Variants in SPAG16 observed in about 807,000 individuals in gnomAD.
SPAG16 encodes sperm-associated antigen 16 protein.
Under a neutral mutation model 80.4 loss-of-function variants are expected in SPAG16, and 86 were observed. That is an observed-to-expected ratio of 1.07 (90% CI 0.90 to 1.28). The LOEUF (loss-of-function observed/expected upper bound fraction) is 1.28, where lower values mean the gene tolerates loss of function less well. Ranked by LOEUF, SPAG16 falls within the 50% of genes most tolerant of loss-of-function variation. The pLI is 0.00. For synonymous variants in SPAG16, 294 were observed against 265.9 expected (o/e 1.11, Z -1.03); for missense variants, 870 against 765.3 (o/e 1.14, Z -1.61).
intron 9 of SPAG16, among the ~76,000 whole-genome samples, chr2:213,377,786 T>TA (rs969854333): frequency 1.9e-4 from 29 of 152,150 alleles, no homozygotes; most frequent in African/African-American, 6.7e-4. Context: ...TATGATAGCT[T>TA]AGAGTTCTTT....
chr2:213,482,643 A>G (rs1363746315), intron 9 of SPAG16, among the ~76,000 whole-genome samples: 6 of 152,114 alleles, frequency 3.9e-5, no homozygotes, highest in Non-Finnish European at 2.9e-5. Context: ...TTCTTAGGTA[A>G]TTATAAACCA....
chr2:214,355,365 C>T (rs1333460214), intron 15 of SPAG16, among the ~76,000 whole-genome samples: 1 of 138,770 alleles, frequency 7.2e-6, no homozygotes, highest in Admixed American at 7.6e-5. Context: ...GGGCGAAGGA[C>T]ATGAACAGAC....
chr2:214,375,514 C>T (rs760929299), intron 15 of SPAG16, among the ~76,000 whole-genome samples: 100 of 152,124 alleles, frequency 6.6e-4, no homozygotes, highest in Non-Finnish European at 1.2e-3. Flanking sequence ...ACGCTAGACA[C>T]CTGTCCATGC....
intron 13 of SPAG16, among the ~76,000 whole-genome samples, chr2:214,034,602 C>A (rs149059113): frequency 8.5e-4 from 130 of 152,352 alleles, no homozygotes; most frequent in African/African-American, 3.1e-3. Context: ...GGCACGCTGG[C>A]TGCAGCGGGG....
chr2:214,277,266 C>A (rs546187276), intron 15 of SPAG16, among the ~76,000 whole-genome samples: 3 of 151,832 alleles, frequency 2.0e-5, no homozygotes, highest in Non-Finnish European at 4.4e-5. Context: ...TTGTTATTAC[C>A]GACCTTCTGA....
Position 214,328,996 on chromosome 2 carries a change from A to T in SPAG16, c.1721-81144A>T, listed in dbSNP as rs539071240. Among the ~76,000 whole-genome samples, 4 of 152,318 alleles carry T rather than the reference A, an allele frequency of 2.6e-5. No homozygotes were observed. The South Asian group carries it at 8.3e-4, about 32-fold the overall frequency. ...ACATAAGAAAACTGAGGCACAGAGA[A>T]GCTAAGTTACTTGATTAGCCGAGGA... On this transcript the variant is annotated intron_variant, in intron 15 of 15. Transcript: ENST00000331683.
chr2:214,121,249 A>G (rs2054206418), intron 14 of SPAG16, among the ~76,000 whole-genome samples: 1 of 151,880 alleles, frequency 6.6e-6, no homozygotes, highest in Admixed American at 6.6e-5. Context: ...GAACAAATAT[A>G]AGCACAAGGC....
chr2:213,942,255 C>A (rs546133363), intron 12 of SPAG16, among the ~76,000 whole-genome samples: 1 of 152,114 alleles, frequency 6.6e-6, no homozygotes, highest in African/African-American at 2.4e-5. Flanking sequence ...ATCAGGCTGA[C>A]CTGTTTCATT....
intron 15 of SPAG16, among the ~76,000 whole-genome samples, chr2:214,193,080 G>T (rs1042170089): frequency 6.6e-6 from 1 of 152,066 alleles, no homozygotes. Context: ...GAGGCAAAGC[G>T]ACCAAGCTTT....
chr2:213,799,107 C>CA (rs1038962588), intron 10 of SPAG16, among the ~76,000 whole-genome samples: 5 of 151,794 alleles, frequency 3.3e-5, no homozygotes, highest in African/African-American at 1.2e-4. Flanking sequence ...TTTGCAAAAC[C>CA]AAAAAAGCAG....
intron 9 of SPAG16, among the ~76,000 whole-genome samples, chr2:213,380,859 G>T (rs2067137145): frequency 6.6e-6 from 1 of 152,134 alleles, no homozygotes; most frequent in Admixed American, 6.5e-5. Flanking sequence ...TCCTGTTCTG[G>T]ACCTCACTCA....
intron 15 of SPAG16, among the ~76,000 whole-genome samples, chr2:214,205,484 A>G (rs1406156324): frequency 2.6e-5 from 4 of 152,238 alleles, no homozygotes; most frequent in East Asian, 1.9e-4. Flanking sequence ...GTGACTTCAT[A>G]TATTGAATAA....
At position 213,930,054 on chromosome 2, in the gene SPAG16, C is replaced by A; in HGVS notation, c.1309C>A (p.Arg437Ser). The change falls in exon 12 of 16, where the codon CGC (arginine) becomes AGC (serine). Residue 437 changes from arginine to serine, a missense_variant. By Grantham distance (110) the Arg-to-Ser change is moderately radical. Coordinates refer to ENST00000331683, the MANE Select transcript of SPAG16 (RefSeq NM_024532.5). ...DCILTFEGHS[R>S]AVWSCTWHSC... Reference sequence around the variant, plus strand: ...CATTTTGACCTTTGAAGGACACAGCCGCGCAGTGTGGTCCTGCACATGGCA... The same window carrying A: ...CATTTTGACCTTTGAAGGACACAGCAGCGCAGTGTGGTCCTGCACATGGCA... The A allele has an allele frequency of 1.2e-6, 2 of 1,613,972 alleles. No individual in the cohort carries two copies. Among genetic ancestry groups the A allele is most frequent in the Non-Finnish European group, 1.7e-6 (2 of 1,179,900 alleles).
intron 10 of SPAG16, among the ~76,000 whole-genome samples, chr2:213,852,619 A>G (rs1048568194): frequency 6.6e-6 from 1 of 152,152 alleles, no homozygotes; most frequent in African/African-American, 2.4e-5. Flanking sequence ...ACCATCCTAA[A>G]GGTACTTCTT....
chr2:214,024,868 T>C (rs1001224822), intron 13 of SPAG16, among the ~76,000 whole-genome samples: 2 of 151,610 alleles, frequency 1.3e-5, no homozygotes, highest in Non-Finnish European at 3.0e-5. Context: ...TCATAGAATA[T>C]ATTTGACCAA....
At chr2:214,328,359 C>T (rs1217424477) in intron 15 of SPAG16, among the ~76,000 whole-genome samples, 1 of 152,158 alleles carries the variant, frequency 6.6e-6, no homozygotes, top group South Asian at 2.1e-4. Context: ...GATGGGGTTT[C>T]GCTCTGTTGG....
intron 9 of SPAG16, among the ~76,000 whole-genome samples, chr2:213,416,750 G>C (rs1400081376): frequency 6.6e-6 from 1 of 152,186 alleles, no homozygotes; most frequent in African/African-American, 2.4e-5. Context: ...GCCACAAGAG[G>C]AGACAGAAGA....
At chr2:213,972,086 A>G (rs922343369) in intron 12 of SPAG16, among the ~76,000 whole-genome samples, 3 of 151,810 alleles carry the variant, frequency 2.0e-5, no homozygotes, top group Admixed American at 6.6e-5. Flanking sequence ...TCTCTGTGTT[A>G]CAAATAATCC....
At chr2:213,875,105 C>CG (rs1440462576) in intron 11 of SPAG16, among the ~76,000 whole-genome samples, 10 of 103,588 alleles carry the variant, frequency 9.7e-5, no homozygotes, top group African/African-American at 1.9e-4. Context: ...CCACATCAAA[C>CG]TAATTTTTTT....
Sources: allele counts gnomAD v4.1 joint callset (sites outside exome capture counted in the v4.1 genomes callset), GRCh38; gene constraint gnomAD v4.1.1; transcripts MANE v1.5; gene names NCBI Gene and HGNC (gene_info 2026-07-23, HGNC 2026-07-21).